SLC38A10: variants seen among roughly 807,000 people sequenced by gnomAD.
SLC38A10 encodes solute carrier family 38 member 10.
SLC38A10 carries 53 observed loss-of-function variants against 81.0 expected under a neutral mutation model. The ratio of observed to expected loss-of-function variants is 0.65; its 90% CI spans 0.53 to 0.82. The LOEUF (loss-of-function observed/expected upper bound fraction) is 0.82. SLC38A10 is among the 40% of genes least tolerant of loss of function. The pLI is 0.00. For missense variants in SLC38A10, 1,471 were observed against 1,545.0 expected (o/e 0.95, Z 0.80); for synonymous variants, 665 against 655.3 (o/e 1.01, Z -0.23).
chr17:81,254,593 C>A (rs1340803782), intron 11 of SLC38A10, among the ~76,000 whole-genome samples: 2 of 152,216 alleles, frequency 1.3e-5, no homozygotes, highest in African/African-American at 2.4e-5. Flanking sequence ...TTACAGGAAC[C>A]TGCCACAATG....
Position 81,277,025 on chromosome 17 carries a change from T to C in SLC38A10, c.729+6A>G. ...AGGGGCGGAGAGGGCGTGGCAAGGC[T>C]CTTACCATGACGTAGAAGGTGGTGA... is the stretch of plus-strand genomic sequence containing the variant. On this transcript the variant is annotated splice_donor_region_variant and intron_variant, in intron 7 of 15. Transcript: ENST00000374759. This position sits in a 1 kb window ranked among gnomAD's most constrained non-coding sequence, Gnocchi z 4.5. 1 of 1,612,688 alleles carries C rather than the reference T, an allele frequency of 6.2e-7. No individual in the cohort carries two copies. Among genetic ancestry groups the C allele is most frequent in the Non-Finnish European group, 8.5e-7 (1 of 1,178,774 alleles).
In SLC38A10 at chr17:81,277,343, C is replaced by T. The variant is rs2063171228; in HGVS notation, c.627-210G>A. Among the ~76,000 whole-genome samples the T allele has an allele frequency of 6.6e-6, 1 of 152,200 alleles. No individual in the cohort carries two copies. Among genetic ancestry groups the T allele is most frequent in the Non-Finnish European group, 1.5e-5 (1 of 68,030 alleles). ...CAGCAGCCCCCACTCAGGACACCCC[C>T]CAGAGCGTGCACCATGCGAACATTC... is the stretch of plus-strand genomic sequence containing the variant. On this transcript the variant is annotated intron_variant, in intron 6 of 15. Transcript: ENST00000374759. The surrounding 1 kb of genome is among the most constrained non-coding windows in gnomAD (Gnocchi z 4.5).
At chr17:81,247,422 G>C (rs2062862955) in intron 14 of SLC38A10, 1 of 207,778 alleles carries the variant, frequency 4.8e-6, no homozygotes, top group Admixed American at 5.9e-5. Context: ...AGTGTCCAGA[G>C]CAACAGTCAA....
Position 81,245,819 on chromosome 17 carries a change from C to T in SLC38A10, c.3097G>A (p.Asp1033Asn). The change falls in exon 16 of 16, where the codon GAC becomes AAC. Residue 1033 changes from aspartate to asparagine, a missense_variant. Asp to Asn is a conservative substitution (Grantham distance 23). Around this residue, in one of 2 missense-constraint regions of SLC38A10, gnomAD observed 751 missense variants for 717.4 expected, o/e 1.05. Coordinates refer to ENST00000374759, the MANE Select transcript of SLC38A10 (RefSeq NM_001037984.3). The part of the protein sequence containing the change: ...KRAVPGGQRP[D>N]NAKPNRDLKL... ...AGGTCCCGGTTGGGCTTGGCATTGT[C>T]CGGCCTCTGGCCCCCCGGGACAGCT... The T allele has an allele frequency of 6.2e-7, 1 of 1,610,374 alleles. No homozygotes were observed. The highest frequency in any genetic ancestry group is 8.5e-7 in the Non-Finnish European group (1 of 1,178,238).
At chr17:81,251,441 G>A (rs2062911824) in intron 14 of SLC38A10, 52 bp downstream of exon 14, 3 of 1,608,312 alleles carry the variant, frequency 1.9e-6, no homozygotes, top group South Asian at 2.2e-5. Flanking sequence ...CTGGGGGAGG[G>A]GGCTGCCGCT....
rs1172478490 is a variant in SLC38A10 at position 81,280,614 on chromosome 17, GC to G, written c.620del (p.Cys207SerfsTer17). The G allele has an allele frequency of 1.2e-6, 2 of 1,612,676 alleles. No homozygotes were observed. The highest frequency in any genetic ancestry group is 1.7e-6 in the Non-Finnish European group (2 of 1,179,626). On this transcript the variant is annotated frameshift_variant, in exon 6 of 16. Coordinates refer to ENST00000374759, the MANE Select transcript of SLC38A10 (RefSeq NM_001037984.3). LOFTEE classifies it high-confidence loss of function. Reference protein sequence around the residue: ...CIPIFGMSFACQSQVLPTYDS... With the variant: ...CIPIFGMSFAXQSQVLPTYDS... ...GACCACAGCAGGACACTTACGACTGGCAGGCGAAGGACATGCCGAAGATGGG... is the reference window on the plus strand; with the variant it reads ...GACCACAGCAGGACACTTACGACTGGAGGCGAAGGACATGCCGAAGATGGG...
rs1158143836 is a variant in SLC38A10, at chr17:81,247,010, T to C, written c.2117A>G (p.Lys706Arg). The change falls in exon 15 of 16, where the codon AAA becomes AGA. Residue 706 changes from lysine to arginine, a missense_variant. Around this residue, in one of 2 missense-constraint regions of SLC38A10, gnomAD observed 751 missense variants for 717.4 expected, o/e 1.05. Transcript: ENST00000374759. ...GCGCTTTTGCTGCACCTGCTGTTCTTTGATCACCTGAAGCAGGACGGCGTG... is the reference window on the plus strand; with the variant it reads ...GCGCTTTTGCTGCACCTGCTGTTCTCTGATCACCTGAAGCAGGACGGCGTG... ...LDHAVLLQVIKEQQVQQKRLL... is the reference protein window; with the variant it reads ...LDHAVLLQVIREQQVQQKRLL... 6.2e-7 allele frequency: 1 copy of C among 1,604,420 alleles called. No individual in the cohort carries two copies. Among genetic ancestry groups the C allele is most frequent in the Non-Finnish European group, 8.5e-7 (1 of 1,179,396 alleles).
In SLC38A10 at chr17:81,290,748, C is replaced by A. The variant is rs138016901; in HGVS notation, c.100-940G>T. On this transcript the variant is annotated intron_variant, in intron 1 of 15. Transcript: ENST00000374759. ...ATCAGCCGGGCACGGTGGCTCACACCTGTAATCCCAGCACTTTGGGAGGCC... is the reference window on the plus strand; with the variant it reads ...ATCAGCCGGGCACGGTGGCTCACACATGTAATCCCAGCACTTTGGGAGGCC... 3.4e-3 allele frequency among the ~76,000 whole-genome samples: 522 copies of A among 152,300 alleles called. 1 individual carries two copies. Among genetic ancestry groups the A allele is most frequent in the African/African-American group, 0.012 (493 of 41,566 alleles).
chr17:81,282,161 C>T (rs767759487), intron 5 of SLC38A10, 28 bp downstream of exon 5: 18 of 1,609,886 alleles, frequency 1.1e-5, no homozygotes, highest in African/African-American at 4.0e-5. Flanking sequence ...AGCCTTTCAG[C>T]GGGTACCCAC....
At chr17:81,252,074 A>C in intron 13 of SLC38A10, 121 bp downstream of exon 13, 2 of 1,372,276 alleles carry the variant, frequency 1.5e-6, no homozygotes, top group South Asian at 1.5e-5. Flanking sequence ...TTTGCATGCT[A>C]ATCTGGTGCA....
At chr17:81,263,775 T>C (rs2063045138) in intron 10 of SLC38A10, 1 of 152,358 alleles carries the variant, frequency 6.6e-6, no homozygotes, top group African/African-American at 2.4e-5. Flanking sequence ...CTTGGGTCCA[T>C]GCCTCATCCA....
chr17:81,284,335 G>C (rs891126695), intron 3 of SLC38A10, among the ~76,000 whole-genome samples: 3 of 152,138 alleles, frequency 2.0e-5, no homozygotes, highest in Non-Finnish European at 4.4e-5. Flanking sequence ...CTGGGTGACA[G>C]AGCAAAACTC....
chr17:81,282,920 T>TGAGGGGTTCTGCTCCCCGGCAGC (rs1281850447), intron 4 of SLC38A10, among the ~76,000 whole-genome samples: 2 of 152,114 alleles, frequency 1.3e-5, no homozygotes, highest in Non-Finnish European at 1.5e-5. Flanking sequence ...CCCTGCCCAG[T>TGAGGGGTTCTGCTCCCCGGCAGC]GAGGGGCTCT....
chr17:81,278,228 A>G (rs1486781823), intron 6 of SLC38A10, among the ~76,000 whole-genome samples: 1 of 124,386 alleles, frequency 8.0e-6, no homozygotes, highest in Non-Finnish European at 1.7e-5. Context: ...CTTTATTAAA[A>G]AGCAAACCAG....
At position 81,246,005 on chromosome 17, in the gene SLC38A10, C is replaced by T; in HGVS notation, c.2911G>A (p.Gly971Arg). 1 of 1,607,678 alleles carries T rather than the reference C, an allele frequency of 6.2e-7. No individual in the cohort carries two copies. The highest frequency in any genetic ancestry group is 1.1e-5 in the South Asian group (1 of 90,456). ...LRVISDGEQG[G>R]QQGHRLDHGG... ...TGGTCCAGCCGGTGGCCCTGCTGTC[C>T]ACCCTGCTCGCCATCAGAGATGACC... Residue 971 changes from glycine to arginine, a missense_variant, in exon 16 of 16, where the codon GGA becomes AGA. Physicochemically the swap from Gly to Arg is moderately radical, Grantham distance 125. Transcript: ENST00000374759.
At position 81,286,962 on chromosome 17, in the gene SLC38A10, G is replaced by A. The variant is rs1426610396; in HGVS notation, c.218-2067C>T. On this transcript the variant is annotated intron_variant, in intron 2 of 15. Coordinates refer to ENST00000374759, the MANE Select transcript of SLC38A10 (RefSeq NM_001037984.3). The surrounding 1 kb of genome is among the most constrained non-coding windows in gnomAD (Gnocchi z 6.0). ...TCAGAACAGCTTCATGAGAAGCCGC[G>A]ACAGCTGAAGGAGGCTGAATGACTG... Among the ~76,000 whole-genome samples the A allele has an allele frequency of 7.2e-5, 11 of 152,282 alleles. No homozygotes were observed. The East Asian group carries it at 1.9e-3, about 27-fold the overall frequency.
In SLC38A10 at chr17:81,245,718, C is replaced by T. The variant is rs201014536; in HGVS notation, c.3198G>A (p.Pro1066=). 9.2e-4 allele frequency: 1,478 copies of T among 1,599,988 alleles called. 1 individual carries two copies. Among genetic ancestry groups the T allele is most frequent in the Non-Finnish European group, 1.2e-3 (1,350 of 1,170,318 alleles). ...LGPHAEGQLA[P]RDGVIIGLNP... ...TAAGGCCAATGATGACCCCATCCCT[C>T]GGGGCCAGCTGACCCTCTGCATGAG... The change falls in exon 16 of 16, where the codon CCG becomes CCA. Residue 1066 remains proline (P), a synonymous_variant. Coordinates refer to ENST00000374759, the MANE Select transcript of SLC38A10 (RefSeq NM_001037984.3).
In SLC38A10 at chr17:81,245,456, G is replaced by A; in HGVS notation, c.*100C>T. 2 of 1,416,640 alleles carry A rather than the reference G, an allele frequency of 1.4e-6. No individual in the cohort carries two copies. The highest frequency in any genetic ancestry group is 2.3e-5 in the East Asian group (1 of 42,636). The allele number at this position is 1,416,640 out of a possible 1,614,324, so 87.8% of individuals were successfully genotyped here. ...CTCAGACATGAAACCCTGGGGAGAGGCGAGTGTGACCTCCAGAGTTTGGCT... is the reference window on the plus strand; with the variant it reads ...CTCAGACATGAAACCCTGGGGAGAGACGAGTGTGACCTCCAGAGTTTGGCT... On this transcript the variant is annotated 3_prime_UTR_variant, in exon 16 of 16. Transcript: ENST00000374759.
chr17:81,254,717 A>G (rs1264673264), intron 11 of SLC38A10, among the ~76,000 whole-genome samples: 1 of 152,226 alleles, frequency 6.6e-6, no homozygotes, highest in East Asian at 1.9e-4. Flanking sequence ...AAGTGCTGGG[A>G]TTACATGCGT....
Sources: allele counts gnomAD v4.1 joint callset (sites outside exome capture counted in the v4.1 genomes callset), GRCh38; gene constraint gnomAD v4.1.1; regional missense constraint gnomAD v4.1.1; non-coding constraint Gnocchi (gnomAD v3.1); transcripts MANE v1.5; gene names NCBI Gene and HGNC (gene_info 2026-07-23, HGNC 2026-07-21).